The following LMNTD1 variants were observed in gnomAD, a reference collection of about 807,000 sequenced individuals.
The protein encoded by LMNTD1 is lamin tail domain-containing protein 1.
LMNTD1 carries 35 observed loss-of-function variants against 50.9 expected under a neutral mutation model. The ratio of observed to expected loss-of-function variants is 0.69; its 90% CI spans 0.53 to 0.91. The LOEUF is 0.91. Ranked by LOEUF, LMNTD1 falls within the 40% of genes least tolerant of loss-of-function variation. The pLI is 0.00. For synonymous variants in LMNTD1, 153 were observed against 161.9 expected (o/e 0.94, Z 0.42); for missense variants, 470 against 475.5 (o/e 0.99, Z 0.11).
At position 25,638,245 on chromosome 12, in the gene LMNTD1, AAGAC is replaced by A. The variant is rs1226383526; in HGVS notation, c.58+10245_58+10248del. On this transcript the variant is annotated intron_variant, in intron 1 of 7. Transcript: ENST00000445693. ...TCACAGCTAACATACTTAACGGTGA[AAGAC>A]AGAATGTTTTCCCTCTAAGATCAAG... 4.6e-5 allele frequency among the ~76,000 whole-genome samples: 7 copies of A among 152,264 alleles called. No homozygotes were observed. The East Asian group carries it at 1.3e-3, about 29-fold the overall frequency.
chr12:25,549,174 C>A, intron 3 of LMNTD1, 152 bp downstream of exon 3: 1 of 545,680 alleles, frequency 1.8e-6, no homozygotes, highest in African/African-American at 1.9e-5. Flanking sequence ...CAGTGATGAC[C>A]ATAGTTAAGT....
At chr12:25,487,409 G>T (rs1322533777) in intron 9 of LMNTD1, among the ~76,000 whole-genome samples, 1 of 132,692 alleles carries the variant, frequency 7.5e-6, no homozygotes, top group Non-Finnish European at 1.6e-5. Context: ...TGTCTCTTTT[G>T]ATCTTTGTTG....
intron 1 of LMNTD1, among the ~76,000 whole-genome samples, chr12:25,647,084 A>G (rs1441697510): frequency 2.6e-5 from 4 of 152,154 alleles, no homozygotes; most frequent in African/African-American, 7.2e-5. Context: ...TTACAATGTC[A>G]TTTTCCAAAA....
intron 9 of LMNTD1, among the ~76,000 whole-genome samples, chr12:25,492,705 G>T (rs994183701): frequency 6.6e-6 from 1 of 152,076 alleles, no homozygotes; most frequent in African/African-American, 2.4e-5. Context: ...GATTGAAAAG[G>T]TTGAGGTTTC....
intron 1 of LMNTD1, among the ~76,000 whole-genome samples, chr12:25,615,962 A>G (rs1188578521): frequency 6.6e-6 from 1 of 152,204 alleles, no homozygotes; most frequent in Non-Finnish European, 1.5e-5. Flanking sequence ...ACACACATTT[A>G]TTAAATGCCT....
intron 6 of LMNTD1, among the ~76,000 whole-genome samples, chr12:25,525,658 G>A (rs1941653414): frequency 1.3e-5 from 2 of 152,066 alleles, no homozygotes; most frequent in African/African-American, 4.8e-5. Flanking sequence ...GATGTGTTGT[G>A]GCATTTAGTG....
At chr12:25,523,407 C>G (rs768426908) in intron 6 of LMNTD1, among the ~76,000 whole-genome samples, 1 of 152,152 alleles carries the variant, frequency 6.6e-6, no homozygotes, top group Non-Finnish European at 1.5e-5. Context: ...TTATTCAAGT[C>G]CAGAAACAGG....
intron 1 of LMNTD1, among the ~76,000 whole-genome samples, chr12:25,608,586 T>G (rs1030755552): frequency 2.0e-5 from 3 of 152,226 alleles, no homozygotes; most frequent in Non-Finnish European, 2.9e-5. Context: ...TCTCCTTCAC[T>G]TATGAAGCTT....
rs374688618 is a variant in LMNTD1, at chr12:25,563,116, C to A, written c.59-16562G>T. ...TTAGCTCAGAGAAGTTTGTTATTAC[C>A]AATCATCTGAAGCCTTCTTCTGTCA... On this transcript the variant is annotated intron_variant, in intron 1 of 7. Transcript: ENST00000445693. Among the ~76,000 whole-genome samples, 18 of 151,618 alleles carry A rather than the reference C, an allele frequency of 1.2e-4. No individual in the cohort carries two copies. In the East Asian group the frequency reaches 1.6e-3, roughly 13 times the overall value.
At chr12:25,523,178 C>G (rs968641395) in intron 6 of LMNTD1, among the ~76,000 whole-genome samples, 1 of 152,008 alleles carries the variant, frequency 6.6e-6, no homozygotes, top group Non-Finnish European at 1.5e-5. Context: ...GGACTACAGG[C>G]GGGCACCACC....
upstream of LMNTD1, among the ~76,000 whole-genome samples, chr12:25,556,499 T>A (rs1320530719): frequency 2.0e-5 from 3 of 152,222 alleles, no homozygotes; most frequent in Admixed American, 2.0e-4. Context: ...TTCTGTGGTA[T>A]CTGCCTAAAT....
chr12:25,546,605 G>A (rs890688532), intron 3 of LMNTD1, 51 bp from the exon 4 acceptor site: 10 of 1,161,452 alleles, frequency 8.6e-6, no homozygotes, highest in African/African-American at 1.6e-5. Flanking sequence ...TAAATAAAAT[G>A]ACATTAAAAG....
chr12:25,608,144 C>G (rs1430675952), intron 1 of LMNTD1, among the ~76,000 whole-genome samples: 1 of 152,220 alleles, frequency 6.6e-6, no homozygotes, highest in East Asian at 1.9e-4. Context: ...TTGTCAGAGA[C>G]TAGGATTGCA....
At chr12:25,629,136 T>C (rs532435412) in intron 1 of LMNTD1, among the ~76,000 whole-genome samples, 22 of 152,242 alleles carry the variant, frequency 1.4e-4, no homozygotes, top group African/African-American at 4.1e-4. Flanking sequence ...AAAGCGACTC[T>C]CTGGGATTCG....
At chr12:25,478,664 T>G (rs1254822413) in intron 9 of LMNTD1, among the ~76,000 whole-genome samples, 1 of 152,166 alleles carries the variant, frequency 6.6e-6, no homozygotes, top group African/African-American at 2.4e-5. Context: ...GGGTACCGTG[T>G]AATCCCAGCT....
At position 25,624,144 on chromosome 12, in the gene LMNTD1, A is replaced by T. The variant is rs577982894; in HGVS notation, c.58+24350T>A. ...TGTTCTTATCTTCAACATGTACTGA[A>T]AACACCTTTCACATATGAAAAAGAC... On this transcript the variant is annotated intron_variant, in intron 1 of 7. Transcript: ENST00000445693. 5.3e-3 allele frequency among the ~76,000 whole-genome samples: 806 copies of T among 152,318 alleles called. 6 individuals carry two copies. The highest frequency in any genetic ancestry group is 7.1e-3 in the Non-Finnish European group (484 of 68,032).
chr12:25,583,510 C>T (rs1945396192), intron 1 of LMNTD1, among the ~76,000 whole-genome samples: 1 of 152,148 alleles, frequency 6.6e-6, no homozygotes, highest in Non-Finnish European at 1.5e-5. Context: ...TATTTTTACC[C>T]TTTTTAATCC....
At chr12:25,595,528 T>C (rs1333848157) in intron 1 of LMNTD1, among the ~76,000 whole-genome samples, 1 of 152,098 alleles carries the variant, frequency 6.6e-6, no homozygotes, top group Non-Finnish European at 1.5e-5. Flanking sequence ...TTCTTTGAAC[T>C]GAATGACAAT....
intron 1 of LMNTD1, among the ~76,000 whole-genome samples, chr12:25,571,649 T>C (rs1217911180): frequency 6.6e-6 from 1 of 151,620 alleles, no homozygotes; most frequent in Non-Finnish European, 1.5e-5. Context: ...AGGCATGAGC[T>C]ACCATTCCCA....
Sources: gnomAD v4.1 joint callset for allele counts (sites outside exome capture counted in the v4.1 genomes callset) on GRCh38, gnomAD v4.1.1 for gene constraint, MANE v1.5 for transcripts, NCBI Gene and HGNC (gene_info 2026-07-23, HGNC 2026-07-21) for gene names.